Variants in OR6N1 observed in about 807,000 individuals in gnomAD.
The protein encoded by OR6N1 is olfactory receptor family 6 subfamily N member 1, also known as olfactory receptor 6N1.
For synonymous variants in OR6N1, 170 were observed against 150.7 expected (o/e 1.13, Z -0.94); for missense variants, 394 against 371.7 (o/e 1.06, Z -0.49).
the OR6N1 span, among the ~76,000 whole-genome samples, chr1:158,784,178 A>G: frequency 6.6e-6 from 1 of 152,194 alleles, no homozygotes. Flanking sequence ...CACAACATTT[A>G]CAACCAGGAT....
the OR6N1 span, among the ~76,000 whole-genome samples, chr1:158,834,971 C>T: frequency 6.6e-6 from 1 of 152,248 alleles, no homozygotes; most frequent in South Asian, 2.1e-4. Context: ...TTCCATTGTT[C>T]TTTATGTCTG....
At chr1:158,776,837 A>G (rs1302421196), upstream of OR6N1, 2 of 1,614,130 alleles carry the variant, frequency 1.2e-6, no homozygotes, top group South Asian at 2.2e-5. Flanking sequence ...AGGGTCAGGG[A>G]ATAGCTCTTC....
chr1:158,823,255 A>AT, the OR6N1 span, among the ~76,000 whole-genome samples: 2 of 152,024 alleles, frequency 1.3e-5, no homozygotes, highest in African/African-American at 2.4e-5. Flanking sequence ...TTCCTCCTCA[A>AT]TTTTTTTGAA....
chr1:158,785,751 T>G, the OR6N1 span, among the ~76,000 whole-genome samples: 1 of 152,216 alleles, frequency 6.6e-6, no homozygotes, highest in African/African-American at 2.4e-5. Flanking sequence ...ATGTAACCAC[T>G]TATTAATTTG....
the OR6N1 span, among the ~76,000 whole-genome samples, chr1:158,819,195 C>T: frequency 9.2e-5 from 14 of 152,284 alleles, no homozygotes; most frequent in South Asian, 2.7e-3. Flanking sequence ...TCCTCTTTCT[C>T]GCTCAATTAA....
the OR6N1 span, among the ~76,000 whole-genome samples, chr1:158,797,305 C>T: frequency 1.1e-4 from 16 of 152,162 alleles, no homozygotes; most frequent in African/African-American, 3.6e-4. Context: ...TTGAACTTAC[C>T]TTTTCCAATG....
the OR6N1 span, among the ~76,000 whole-genome samples, chr1:158,798,255 G>A: frequency 6.6e-4 from 99 of 150,706 alleles, no homozygotes; most frequent in African/African-American, 2.3e-3. Context: ...ATTAATTTCT[G>A]CTCCCAGATT....
chr1:158,768,394 A>G (rs1433313062), intron 1 of OR6N1, among the ~76,000 whole-genome samples: 1 of 152,124 alleles, frequency 6.6e-6, no homozygotes, highest in Non-Finnish European at 1.5e-5. Flanking sequence ...AATGATGGCA[A>G]TTGCAATCTT....
chr1:158,777,199 G>A, the OR6N1 span: 1 of 1,614,130 alleles, frequency 6.2e-7, no homozygotes, highest in Non-Finnish European at 8.5e-7. Flanking sequence ...CCAACAAGCA[G>A]CAGCCATCTT....
the OR6N1 span, among the ~76,000 whole-genome samples, chr1:158,828,524 C>T: frequency 6.6e-6 from 1 of 152,186 alleles, no homozygotes; most frequent in Non-Finnish European, 1.5e-5. Context: ...CATATTGATG[C>T]AAGAGGTAGG....
chr1:158,788,037 A>G, the OR6N1 span, among the ~76,000 whole-genome samples: 1 of 152,218 alleles, frequency 6.6e-6, no homozygotes, highest in Non-Finnish European at 1.5e-5. Context: ...TTGAAAGAGA[A>G]AAACAAAAAG....
the OR6N1 span, among the ~76,000 whole-genome samples, chr1:158,803,145 GA>G: frequency 2.0e-5 from 3 of 152,146 alleles, no homozygotes; most frequent in Non-Finnish European, 4.4e-5. Flanking sequence ...ATATTAAACG[GA>G]AGAAAAATAC....
At chr1:158,787,904 C>T in the OR6N1 span, among the ~76,000 whole-genome samples, 2 of 152,112 alleles carry the variant, frequency 1.3e-5, no homozygotes, top group Non-Finnish European at 2.9e-5. Context: ...AGCCTTATAT[C>T]CACCAGGCAT....
chr1:158,823,848 T>C, the OR6N1 span, among the ~76,000 whole-genome samples: 2 of 152,190 alleles, frequency 1.3e-5, no homozygotes, highest in African/African-American at 4.8e-5. Flanking sequence ...GGGCATTTAG[T>C]GCTATAAACT....
At chr1:158,782,270 T>C in the OR6N1 span, among the ~76,000 whole-genome samples, 1 of 152,214 alleles carries the variant, frequency 6.6e-6, no homozygotes, top group African/African-American at 2.4e-5. Context: ...TAGTTTACAT[T>C]TCCCATTTCA....
chr1:158,819,197 C>G, the OR6N1 span, among the ~76,000 whole-genome samples: 1 of 152,164 alleles, frequency 6.6e-6, no homozygotes, highest in Admixed American at 6.5e-5. Context: ...CTCTTTCTCG[C>G]TCAATTAATG....
At chr1:158,776,980 G>A (rs1332082913), upstream of OR6N1, 2 of 1,614,078 alleles carry the variant, frequency 1.2e-6, no homozygotes, top group South Asian at 2.2e-5. Context: ...AATGATCCTT[G>A]CATAAGAAAT....
chr1:158,765,380 C>T lies in OR6N1; in HGVS notation c.*364G>A, dbSNP rs999934462. On this transcript the variant is annotated 3_prime_UTR_variant, in exon 2 of 2. Coordinates refer to ENST00000641846, the MANE Select transcript of OR6N1 (RefSeq NM_001005185.2). ...ATCATGAATCACATTTTGTTTAGGA[C>T]ATGCCTGACTATATTTATATTAAGT... The T allele has an allele frequency of 1.8e-5, 3 of 171,188 alleles. No individual in the cohort carries two copies. The highest frequency in any genetic ancestry group is 3.8e-5 in the Non-Finnish European group (3 of 79,648). The allele number at this position is 171,188 out of a possible 1,614,324, so 10.6% of individuals were successfully genotyped here. A position where few individuals can be genotyped will look rare whatever the true frequency, so the allele number is the denominator to read the frequency against.
chr1:158,766,052 A>G lies in OR6N1; in HGVS notation c.631T>C (p.Phe211Leu). ...ACATAGGAGCAGAGGATCAGCAGGA[A>G]GGTGGCTAGGATCTTGCAGGAATTT... ...VINSCKILATFLLILCSYVQI... is the reference protein window; with the variant it reads ...VINSCKILATLLLILCSYVQI... The change falls in exon 2 of 2, where the codon TTC becomes CTC. Residue 211 changes from phenylalanine to leucine, a missense_variant. Coordinates refer to ENST00000641846, the MANE Select transcript of OR6N1 (RefSeq NM_001005185.2). 1 of 1,614,224 alleles carries G rather than the reference A, an allele frequency of 6.2e-7. No individual in the cohort carries two copies. Among genetic ancestry groups the G allele is most frequent in the Non-Finnish European group, 8.5e-7 (1 of 1,180,038 alleles).
Sources: gnomAD v4.1 joint callset for allele counts (sites outside exome capture counted in the v4.1 genomes callset) on GRCh38, gnomAD v4.1.1 for gene constraint, MANE v1.5 for transcripts, NCBI Gene and HGNC (gene_info 2026-07-23, HGNC 2026-07-21) for gene names.